TOX: variants seen among roughly 807,000 people sequenced by gnomAD.
TOX encodes the protein thymocyte selection-associated high mobility group box protein TOX.
A neutral mutation model predicts 53.7 loss-of-function variants in TOX; 11 were observed. The observed-to-expected ratio is 0.20, with a 90% CI of 0.13 to 0.34. The LOEUF (loss-of-function observed/expected upper bound fraction) is 0.34. Ranked by LOEUF, TOX falls within the 10% of genes least tolerant of loss-of-function variation. The pLI is 1.00. For synonymous variants in TOX, 225 were observed against 245.3 expected, an observed-to-expected ratio of 0.92 and a Z score of 0.77; for missense variants, 570 against 664.6, an observed-to-expected ratio of 0.86 and a Z score of 1.56.
At chr8:59,092,903 TAA>T (rs1214442707) in intron 1 of TOX, among the ~76,000 whole-genome samples, 1 of 152,182 alleles carries the variant, frequency 6.6e-6, no homozygotes, top group East Asian at 1.9e-4. Context: ...AAGTGCCCAG[TAA>T]ATATTCACCA....
At chr8:59,006,256 G>C (rs1813790820) in intron 1 of TOX, among the ~76,000 whole-genome samples, 1 of 152,228 alleles carries the variant, frequency 6.6e-6, no homozygotes, top group African/African-American at 2.4e-5. Flanking sequence ...TACACAGGAA[G>C]ATACACTGTA....
At chr8:58,807,857 GT>G (rs1268356226) in intron 8 of TOX, 74 bp from the exon 9 acceptor site, 27 of 1,573,376 alleles carry the variant, frequency 1.7e-5, no homozygotes, top group Non-Finnish European at 2.6e-6. Context: ...GGGGATGGAT[GT>G]CTTTGAATTA....
chr8:58,952,253 T>C (rs1260615604), intron 2 of TOX, among the ~76,000 whole-genome samples: 1 of 152,156 alleles, frequency 6.6e-6, no homozygotes, highest in Non-Finnish European at 1.5e-5. Context: ...TATTGAAAAT[T>C]TAGTGTTTCT....
At chr8:58,930,475 G>A (rs1381542963) in intron 3 of TOX, among the ~76,000 whole-genome samples, 1 of 152,184 alleles carries the variant, frequency 6.6e-6, no homozygotes, top group African/African-American at 2.4e-5. Flanking sequence ...TTTTCTCCAT[G>A]GGGAGTGGAG....
At chr8:58,867,606 A>G (rs1372979577) in intron 3 of TOX, among the ~76,000 whole-genome samples, 5 of 152,338 alleles carry the variant, frequency 3.3e-5, no homozygotes, top group Non-Finnish European at 5.9e-5. Context: ...AAACTCTAAC[A>G]TGTACATGAA....
chr8:58,960,148 C>G, intron 1 of TOX, 140 bp from the exon 2 acceptor site: 1 of 865,230 alleles, frequency 1.2e-6, no homozygotes, highest in East Asian at 2.7e-5. Flanking sequence ...TATGGAAAAT[C>G]TGTCACAGCA....
intron 3 of TOX, among the ~76,000 whole-genome samples, chr8:58,911,317 CT>C (rs1382327605): frequency 1.3e-5 from 2 of 152,146 alleles, no homozygotes; most frequent in Non-Finnish European, 2.9e-5. Flanking sequence ...TGTCTAGATA[CT>C]TCAATGGCAC....
chr8:58,921,058 G>A (rs1226224343), intron 3 of TOX, among the ~76,000 whole-genome samples: 2 of 145,166 alleles, frequency 1.4e-5, no homozygotes, highest in African/African-American at 2.5e-5. Flanking sequence ...GCCTTATGTG[G>A]AGACACGGAG....
chr8:58,868,581 T>G (rs1222510431), intron 3 of TOX, among the ~76,000 whole-genome samples: 3 of 152,096 alleles, frequency 2.0e-5, no homozygotes, highest in Non-Finnish European at 2.9e-5. Context: ...CCTAAAGTAC[T>G]TAAAAAATAG....
chr8:58,906,632 CCTT>C (rs1811819727), intron 3 of TOX, among the ~76,000 whole-genome samples: 1 of 152,278 alleles, frequency 6.6e-6, no homozygotes, highest in Admixed American at 6.5e-5. Context: ...TATTGTGTAT[CCTT>C]CTGTCAGTTT....
intron 3 of TOX, among the ~76,000 whole-genome samples, chr8:58,915,588 C>T (rs1234720193): frequency 1.6e-4 from 21 of 131,918 alleles, no homozygotes; most frequent in Non-Finnish European, 2.7e-4. Flanking sequence ...TAGATAAAAC[C>T]ACAAAGATGG....
In TOX at chr8:59,118,895, A is replaced by G. The variant is rs1805157723; in HGVS notation, c.93T>C (p.Tyr31=). 4 of 1,589,768 alleles carry G rather than the reference A, an allele frequency of 2.5e-6. No homozygotes were observed. The highest frequency in any genetic ancestry group is 1.7e-5 in the Admixed American group (1 of 57,874). The part of the protein sequence containing the change: ...LGPSPCLDPY[Y]CNKFDGENMY... ...AAAGCAGAGCGTTCACCTTGTTGCA[A>G]TAGTAGGGGTCCAGGCAGGGAGAAG... The change falls in exon 1 of 9, where the codon TAT becomes TAC. Residue 31 remains tyrosine, a synonymous_variant. Coordinates refer to ENST00000361421, the MANE Select transcript of TOX (RefSeq NM_014729.3). The surrounding 1 kb of genome is among the most constrained non-coding windows in gnomAD (Gnocchi z 4.1).
At chr8:58,837,404 A>G (rs930396428) in intron 5 of TOX, among the ~76,000 whole-genome samples, 1 of 152,202 alleles carries the variant, frequency 6.6e-6, no homozygotes, top group African/African-American at 2.4e-5. Flanking sequence ...GGTTGGCTCC[A>G]TCCTCTCACT....
At chr8:59,048,390 A>G (rs1803726826) in intron 1 of TOX, among the ~76,000 whole-genome samples, 1 of 152,192 alleles carries the variant, frequency 6.6e-6, no homozygotes, top group Non-Finnish European at 1.5e-5. Context: ...GTTCCATGAA[A>G]GCTCCACATT....
intron 3 of TOX, among the ~76,000 whole-genome samples, chr8:58,932,201 A>C (rs1327597266): frequency 6.6e-6 from 1 of 152,122 alleles, no homozygotes; most frequent in African/African-American, 2.4e-5. Flanking sequence ...GAACAAAAAA[A>C]CCAGCCCATT....
At chr8:59,079,980 CTTTTCT>C (rs1484389226) in intron 1 of TOX, among the ~76,000 whole-genome samples, 1 of 140,424 alleles carries the variant, frequency 7.1e-6, no homozygotes, top group East Asian at 2.0e-4. Flanking sequence ...TTTCTGTTTT[CTTTTCT>C]TTTTTTTTTT....
intron 1 of TOX, among the ~76,000 whole-genome samples, chr8:59,048,113 C>G (rs1004851777): frequency 6.6e-6 from 1 of 152,128 alleles, no homozygotes; most frequent in Admixed American, 6.5e-5. Context: ...CTGTCTTGTT[C>G]TCAAGATCAA....
At chr8:58,973,819 A>C (rs1231370096) in intron 1 of TOX, among the ~76,000 whole-genome samples, 1 of 151,586 alleles carries the variant, frequency 6.6e-6, no homozygotes, top group Non-Finnish European at 1.5e-5. Context: ...TTTTTTTGAA[A>C]TGGAGTCTCA....
At chr8:58,902,260 T>C (rs1811744836) in intron 3 of TOX, among the ~76,000 whole-genome samples, 1 of 152,178 alleles carries the variant, frequency 6.6e-6, no homozygotes, top group South Asian at 2.1e-4. Context: ...AACTCTTGCA[T>C]TTACTTACTG....
Sources: gnomAD v4.1 joint callset for allele counts (sites outside exome capture counted in the v4.1 genomes callset) on GRCh38, gnomAD v4.1.1 for gene constraint, Gnocchi (gnomAD v3.1) non-coding constraint, MANE v1.5 for transcripts, NCBI Gene and HGNC (gene_info 2026-07-23, HGNC 2026-07-21) for gene names.